SERPINE2: variants seen among roughly 807,000 people sequenced by gnomAD.
The protein encoded by SERPINE2 is glia-derived nexin.
Under a neutral mutation model 36.3 loss-of-function variants are expected in SERPINE2, and 14 were observed. That is an observed-to-expected ratio of 0.39 (90% CI 0.25 to 0.60). SERPINE2 has a LOEUF of 0.60. SERPINE2 is among the 20% of genes least tolerant of loss of function. The pLI, the probability that SERPINE2 is intolerant of heterozygous loss-of-function variation, is 0.57. For missense variants in SERPINE2, 418 were observed against 499.6 expected (o/e 0.84, Z 1.56); for synonymous variants, 192 against 191.8 (o/e 1.00, Z -0.01).
chr2:224,022,575 G>A (rs1190303205), intron 1 of SERPINE2, among the ~76,000 whole-genome samples: 2 of 152,094 alleles, frequency 1.3e-5, no homozygotes, highest in Non-Finnish European at 2.9e-5. Context: ...TAGTCCTTTA[G>A]ACACTCCCAA....
chr2:224,009,464 G>A (rs1443746484), intron 1 of SERPINE2, among the ~76,000 whole-genome samples: 1 of 152,318 alleles, frequency 6.6e-6, no homozygotes, highest in African/African-American at 2.4e-5. Flanking sequence ...GAAGGCCGAG[G>A]TGGGCAGAGT....
At chr2:223,981,743 AT>A (rs1402372730) in intron 6 of SERPINE2, 10 of 152,248 alleles carry the variant, frequency 6.6e-5, no homozygotes, top group Admixed American at 5.9e-4. Flanking sequence ...CCATTCAAAC[AT>A]AACTCTAGAA....
chr2:224,021,956 G>A (rs1574846027), intron 1 of SERPINE2, among the ~76,000 whole-genome samples: 1 of 151,950 alleles, frequency 6.6e-6, no homozygotes, highest in East Asian at 1.9e-4. Flanking sequence ...TTAGGAGATC[G>A]AGACCATCCT....
At chr2:224,034,930 C>G (rs79778790) in intron 1 of SERPINE2, among the ~76,000 whole-genome samples, 2,009 of 152,322 alleles carry the variant, frequency 0.013, 37 homozygotes, top group African/African-American at 0.046. Context: ...GGGTACAACA[C>G]TGTATAAAGA....
chr2:223,984,581 GAAT>G (rs1392347371), intron 5 of SERPINE2, among the ~76,000 whole-genome samples, 168 bp downstream of exon 5: 1 of 152,208 alleles, frequency 6.6e-6, no homozygotes, highest in Non-Finnish European at 1.5e-5. Context: ...CACAGGCATT[GAAT>G]AAAAGCGTTT....
intron 1 of SERPINE2, among the ~76,000 whole-genome samples, chr2:224,034,336 A>G (rs1437440834): frequency 6.6e-6 from 1 of 152,180 alleles, no homozygotes; most frequent in Non-Finnish European, 1.5e-5. Flanking sequence ...TCAGCCAGAC[A>G]ATGAACACAG....
intron 1 of SERPINE2, among the ~76,000 whole-genome samples, chr2:224,022,747 T>C (rs543699451): frequency 7.2e-5 from 11 of 152,322 alleles, no homozygotes; most frequent in Admixed American, 5.2e-4. Flanking sequence ...TACTTACCAA[T>C]TGATATGGCT....
At chr2:224,038,963 T>C (rs567043203) in intron 1 of SERPINE2, 136 bp downstream of exon 1, 3,475 of 155,032 alleles carry the variant, frequency 0.022, 111 homozygotes, top group African/African-American at 0.073. Context: ...CGCCCCAGGG[T>C]CCCGCTGGCC....
intron 1 of SERPINE2, among the ~76,000 whole-genome samples, chr2:224,005,270 C>T (rs1312847736): frequency 6.6e-6 from 1 of 151,482 alleles, no homozygotes; most frequent in Non-Finnish European, 1.5e-5. Context: ...CGGAAGAAAG[C>T]TGTTATGGGT....
At position 223,984,850 on chromosome 2, in the gene SERPINE2, G is replaced by A. The variant is rs1444301576; in HGVS notation, c.786C>T (p.Ser262=). The A allele has an allele frequency of 5.6e-6, 9 of 1,614,028 alleles. No homozygotes were observed. In the African/African-American group the frequency reaches 8.0e-5, roughly 14 times the overall value. ...SMLIALPTES[S]TPLSAIIPHI... is the part of the protein sequence containing the mutation. ...GTGGGATGATGGCAGACAGCGGAGT[G>A]GAGCTCTCAGTCGGCAGTGCAATCA... Residue 262 remains serine (S), a synonymous_variant, in exon 5 of 9, where the codon TCC becomes TCT. Transcript: ENST00000409304.
intron 1 of SERPINE2, among the ~76,000 whole-genome samples, chr2:224,024,726 G>C (rs1188560844): frequency 6.6e-6 from 1 of 152,204 alleles, no homozygotes; most frequent in African/African-American, 2.4e-5. Context: ...AGGTTCCACA[G>C]AACTTTTCTT....
At chr2:224,010,403 CAT>C (rs1448274538) in intron 1 of SERPINE2, 3 of 980,908 alleles carry the variant, frequency 3.1e-6, no homozygotes, top group East Asian at 1.1e-4. Context: ...TGAAAAGACA[CAT>C]ATTTTATTAT....
chr2:224,028,058 T>C (rs901947523), intron 1 of SERPINE2, among the ~76,000 whole-genome samples: 1 of 152,148 alleles, frequency 6.6e-6, no homozygotes, highest in Non-Finnish European at 1.5e-5. Flanking sequence ...AGGATCGGGT[T>C]GTAAGAGCCA....
chr2:224,022,158 C>CAG (rs1692024611), intron 1 of SERPINE2, among the ~76,000 whole-genome samples: 1 of 72,600 alleles, frequency 1.4e-5, no homozygotes, highest in Admixed American at 1.8e-4. Flanking sequence ...GACTCCTTCT[C>CAG]AAAAAAAAAA....
intron 1 of SERPINE2, among the ~76,000 whole-genome samples, chr2:224,006,385 G>C (rs1454034418): frequency 1.3e-5 from 2 of 152,114 alleles, no homozygotes; most frequent in African/African-American, 2.4e-5. Flanking sequence ...GCTTACCCAA[G>C]CCCGAGCCTC....
Position 223,991,781 on chromosome 2 carries a change from G to C in SERPINE2, c.685+22C>G, listed in dbSNP as rs375292925. 6.5e-5 allele frequency: 104 copies of C among 1,612,296 alleles called. No homozygotes were observed. In the African/African-American group the frequency reaches 1.2e-3, roughly 19 times the overall value. ...CTGCCGCCAGCACATCCTAGAACAG[G>C]CTTCGCTGAGCATGAACTCACCACA... On this transcript the variant is annotated intron_variant, in intron 4 of 8. Coordinates refer to ENST00000409304, the MANE Select transcript of SERPINE2 (RefSeq NM_001136528.2).
At chr2:223,978,453 C>G (rs1202656470) in intron 7 of SERPINE2, 1 of 152,274 alleles carries the variant, frequency 6.6e-6, no homozygotes, top group Non-Finnish European at 1.5e-5. Flanking sequence ...GGAATGTAGA[C>G]CACTCATCCG....
In SERPINE2 at chr2:224,005,585, C is replaced by T. The variant is rs116038945; in HGVS notation, c.-22-3663G>A. Among the ~76,000 whole-genome samples the T allele has an allele frequency of 9.3e-3, 1,419 of 152,262 alleles. 19 individuals are homozygous for T. Among genetic ancestry groups the T allele is most frequent in the African/African-American group, 0.032 (1,316 of 41,556 alleles). ...GCCTGCATAATTCCTAACAATGAAACACACTCATGTCCAAATAGACAATCG... is the reference window on the plus strand; with the variant it reads ...GCCTGCATAATTCCTAACAATGAAATACACTCATGTCCAAATAGACAATCG... On this transcript the variant is annotated intron_variant, in intron 1 of 8. Coordinates refer to ENST00000409304, the MANE Select transcript of SERPINE2 (RefSeq NM_001136528.2).
In SERPINE2 at chr2:224,001,736, G is replaced by A. The variant is rs373184739; in HGVS notation, c.165C>T (p.Pro55=). The change falls in exon 2 of 9, where the codon CCC becomes CCT. Residue 55 remains proline, a synonymous_variant. Coordinates refer to ENST00000409304, the MANE Select transcript of SERPINE2 (RefSeq NM_001136528.2). ...SRPHDNIVIS[P]HGIASVLGML... Reference sequence around the variant, plus strand: ...TCCCCAGGACCGACGCAATCCCATGGGGAGAGATCACGATGTTGTCATGAG... The same window carrying A: ...TCCCCAGGACCGACGCAATCCCATGAGGAGAGATCACGATGTTGTCATGAG... The A allele has an allele frequency of 1.9e-6, 3 of 1,614,170 alleles. No individual in the cohort carries two copies. Among genetic ancestry groups the A allele is most frequent in the Non-Finnish European group, 2.5e-6 (3 of 1,180,038 alleles).
Sources: gnomAD v4.1 joint callset for allele counts (sites outside exome capture counted in the v4.1 genomes callset) on GRCh38, gnomAD v4.1.1 for gene constraint, MANE v1.5 for transcripts, NCBI Gene and HGNC (gene_info 2026-07-23, HGNC 2026-07-21) for gene names.